ADAMTSL1: variants seen among roughly 807,000 people sequenced by gnomAD.
The protein encoded by ADAMTSL1 is ADAMTS-like protein 1.
Under a neutral mutation model 201.8 loss-of-function variants are expected in ADAMTSL1, and 126 were observed. The observed-to-expected ratio is 0.62, with a 90% CI of 0.54 to 0.72. ADAMTSL1 has a LOEUF of 0.72. ADAMTSL1 is among the 30% of genes least tolerant of loss of function. The pLI is 0.00. For missense variants in ADAMTSL1, 2,679 were observed against 2,277.8 expected (o/e 1.18, Z -3.59); for synonymous variants, 1,121 against 903.4 (o/e 1.24, Z -4.32).
At chr9:18,562,911 T>C (rs1190765666) in intron 3 of ADAMTSL1, among the ~76,000 whole-genome samples, 1 of 152,186 alleles carries the variant, frequency 6.6e-6, no homozygotes, top group Admixed American at 6.5e-5. Context: ...TAGTTAGCAT[T>C]TTGTCTAACA....
At chr9:18,469,781 A>G (rs540227118), upstream of ADAMTSL1, among the ~76,000 whole-genome samples, 12 of 152,364 alleles carry the variant, frequency 7.9e-5, no homozygotes, top group African/African-American at 2.9e-4. Context: ...AGCAAAGTGT[A>G]GTAGCTTCTG....
intron 1 of ADAMTSL1, among the ~76,000 whole-genome samples, chr9:18,038,541 A>C (rs961926566): frequency 6.6e-6 from 1 of 152,144 alleles, no homozygotes; most frequent in Non-Finnish European, 1.5e-5. Flanking sequence ...TTTTATCTCA[A>C]CCTGTATCTT....
chr9:18,475,289 G>C (rs909303131), intron 1 of ADAMTSL1, among the ~76,000 whole-genome samples: 1 of 152,266 alleles, frequency 6.6e-6, no homozygotes, highest in South Asian at 2.1e-4. Context: ...AAATGAATAG[G>C]TTGCATTGAT....
chr9:18,801,629 G>T (rs1014322139), intron 20 of ADAMTSL1, among the ~76,000 whole-genome samples: 9 of 152,148 alleles, frequency 5.9e-5, no homozygotes, highest in Non-Finnish European at 1.2e-4. Flanking sequence ...AGCACATGCA[G>T]TACTTGGTTT....
At chr9:18,556,046 C>G (rs1330893227) in intron 3 of ADAMTSL1, among the ~76,000 whole-genome samples, 1 of 151,904 alleles carries the variant, frequency 6.6e-6, no homozygotes, top group Non-Finnish European at 1.5e-5. Flanking sequence ...CAGCTCAGCT[C>G]TCAGGATCTG....
intron 2 of ADAMTSL1, among the ~76,000 whole-genome samples, chr9:18,428,932 G>A (rs906722653): frequency 8.6e-5 from 13 of 152,038 alleles, no homozygotes; most frequent in Admixed American, 4.6e-4. Flanking sequence ...TGAAATTGTC[G>A]GTGTATAAAC....
intron 19 of ADAMTSL1, among the ~76,000 whole-genome samples, chr9:18,784,671 C>A (rs142847943): frequency 2.0e-5 from 3 of 152,178 alleles, no homozygotes; most frequent in African/African-American, 4.8e-5. Flanking sequence ...TATCACATCC[C>A]GTCTCCCACC....
intron 1 of ADAMTSL1, among the ~76,000 whole-genome samples, chr9:18,132,416 A>C (rs1024757217): frequency 1.3e-5 from 2 of 152,124 alleles, no homozygotes; most frequent in East Asian, 3.9e-4. Flanking sequence ...CATCATCCCA[A>C]ACTGAAACTC....
At chr9:18,710,536 C>T (rs111565896) in intron 14 of ADAMTSL1, among the ~76,000 whole-genome samples, 2,151 of 152,212 alleles carry the variant, frequency 0.014, 14 homozygotes, top group Middle Eastern at 0.031. Context: ...AATCTTTCAG[C>T]TATGATTATT....
intron 1 of ADAMTSL1, among the ~76,000 whole-genome samples, chr9:18,061,962 T>C (rs1822477453): frequency 6.6e-6 from 1 of 152,194 alleles, no homozygotes; most frequent in African/African-American, 2.4e-5. Context: ...GGTGTTTGTT[T>C]TGTCATTTAC....
chr9:18,048,383 T>C (rs994849360), intron 1 of ADAMTSL1, among the ~76,000 whole-genome samples: 2 of 152,170 alleles, frequency 1.3e-5, no homozygotes, highest in Non-Finnish European at 2.9e-5. Flanking sequence ...TTGTCACTGT[T>C]GTGTCCTGGA....
At chr9:18,838,402 C>CACACAA (rs754001590) in intron 23 of ADAMTSL1, among the ~76,000 whole-genome samples, 2,269 of 125,430 alleles carry the variant, frequency 0.018, 134 homozygotes, top group African/African-American at 0.072. Flanking sequence ...CACACACACA[C>CACACAA]GCAAAAACCT....
intron 2 of ADAMTSL1, among the ~76,000 whole-genome samples, chr9:18,180,870 A>G (rs1828438635): frequency 6.6e-6 from 1 of 152,194 alleles, no homozygotes; most frequent in Non-Finnish European, 1.5e-5. Context: ...GCATCACACT[A>G]CTTGACTTCA....
intron 23 of ADAMTSL1, among the ~76,000 whole-genome samples, chr9:18,852,947 G>A (rs1426213372): frequency 6.6e-6 from 1 of 152,178 alleles, no homozygotes; most frequent in African/African-American, 2.4e-5. Context: ...AGATATTCAG[G>A]GAAGATTCTG....
At chr9:18,064,080 C>T (rs542141788) in intron 1 of ADAMTSL1, among the ~76,000 whole-genome samples, 1 of 152,176 alleles carries the variant, frequency 6.6e-6, no homozygotes, top group African/African-American at 2.4e-5. Context: ...AACACAGATG[C>T]TCCTACTGTT....
At chr9:17,998,353 G>A (rs916927458) in intron 1 of ADAMTSL1, among the ~76,000 whole-genome samples, 1 of 151,948 alleles carries the variant, frequency 6.6e-6, no homozygotes, top group Admixed American at 6.6e-5. Context: ...GAGATAAAGG[G>A]GGTTATGGGG....
chr9:18,908,215 A>G lies in ADAMTSL1; in HGVS notation c.5183-227A>G, dbSNP rs932776934. ...AGACAGCCCAGGGAGGGGCCCCATC[A>G]TTCAGCCAGACAGCTGCAGGCTGGT... On this transcript the variant is annotated intron_variant, in intron 28 of 28. Coordinates refer to ENST00000380548, the MANE Select transcript of ADAMTSL1 (RefSeq NM_001040272.6). The G allele has an allele frequency of 5.4e-6, 3 of 556,204 alleles. No individual in the cohort carries two copies. The South Asian group carries it at 5.9e-5, about 11-fold the overall frequency. 34.5% of individuals were successfully genotyped at this position (556,204 alleles called of 1,614,324 possible). A position where few individuals can be genotyped will look rare whatever the true frequency, so the allele number is the denominator to read the frequency against.
chr9:18,892,790 A>G (rs7035626), intron 26 of ADAMTSL1, among the ~76,000 whole-genome samples, 194 bp downstream of exon 26: 9,425 of 152,176 alleles, frequency 0.062, 310 homozygotes, highest in East Asian at 0.13. Context: ...GTGTAATTCT[A>G]TGAACCAATG....
intron 1 of ADAMTSL1, among the ~76,000 whole-genome samples, chr9:18,037,928 T>TA (rs1821269715): frequency 7.4e-6 from 1 of 134,990 alleles, no homozygotes; most frequent in African/African-American, 2.6e-5. Context: ...ATCCTGACTC[T>TA]ACTTTTGGAT....
Sources: gnomAD v4.1 joint callset for allele counts (sites outside exome capture counted in the v4.1 genomes callset) on GRCh38, gnomAD v4.1.1 for gene constraint, MANE v1.5 for transcripts, NCBI Gene and HGNC (gene_info 2026-07-23, HGNC 2026-07-21) for gene names.